GLT1D1: variants seen among roughly 807,000 people sequenced by gnomAD.
GLT1D1 encodes glycosyltransferase 1 domain containing 1.
Under a neutral mutation model 28.7 loss-of-function variants are expected in GLT1D1, and 21 were observed. That is an observed-to-expected ratio of 0.73 (90% CI 0.52 to 1.05). The LOEUF is 1.05. Among genes scored for constraint, GLT1D1 ranks in the 50% least tolerant of loss-of-function variants. GLT1D1 has a pLI of 0.00. For synonymous variants in GLT1D1, 147 were observed against 124.8 expected (o/e 1.18, Z -1.19); for missense variants, 343 against 330.6 (o/e 1.04, Z -0.29).
chr12:128,910,738 T>G (rs1367417018), intron 4 of GLT1D1, among the ~76,000 whole-genome samples: 1 of 151,940 alleles, frequency 6.6e-6, no homozygotes, highest in Non-Finnish European at 1.5e-5. Context: ...AGAAGAGGTC[T>G]TTGAAACTCT....
At chr12:128,962,060 G>A (rs1035461935) in intron 7 of GLT1D1, among the ~76,000 whole-genome samples, 2 of 135,984 alleles carry the variant, frequency 1.5e-5, no homozygotes, top group Admixed American at 7.9e-5. Flanking sequence ...TCCTATGGCG[G>A]CCCCATGTCT....
chr12:128,872,404 G>A (rs1344358353), intron 1 of GLT1D1, among the ~76,000 whole-genome samples: 2 of 152,174 alleles, frequency 1.3e-5, no homozygotes, highest in Non-Finnish European at 1.5e-5. Flanking sequence ...AGAGACTGTG[G>A]TGTGTAGGAA....
intron 4 of GLT1D1, among the ~76,000 whole-genome samples, chr12:128,934,273 G>A (rs970443022): frequency 4.1e-4 from 59 of 144,440 alleles, no homozygotes; most frequent in East Asian, 8.4e-4. Flanking sequence ...GCACGATCTC[G>A]GCTCACTGCA....
At chr12:128,969,996 T>C (rs1878878709) in intron 7 of GLT1D1, among the ~76,000 whole-genome samples, 1 of 152,156 alleles carries the variant, frequency 6.6e-6, no homozygotes, top group Non-Finnish European at 1.5e-5. Context: ...CCTGGAGGCC[T>C]CCTGGTGATC....
chr12:128,980,991 C>T (rs1014110752), intron 7 of GLT1D1, among the ~76,000 whole-genome samples: 1 of 152,198 alleles, frequency 6.6e-6, no homozygotes, highest in Non-Finnish European at 1.5e-5. Context: ...TCTACAGGCG[C>T]GTGTCCAGCA....
chr12:128,960,763 T>TAAA (rs113496068), intron 7 of GLT1D1, among the ~76,000 whole-genome samples: 2 of 147,122 alleles, frequency 1.4e-5, no homozygotes, highest in African/African-American at 2.5e-5. Flanking sequence ...GCTGGGTATC[T>TAAA]AAAAAAAAAA....
At chr12:128,911,819 C>T (rs1415558730) in intron 4 of GLT1D1, among the ~76,000 whole-genome samples, 4 of 152,080 alleles carry the variant, frequency 2.6e-5, no homozygotes, top group Non-Finnish European at 5.9e-5. Context: ...CCATATCCGT[C>T]ATGCAAGGGC....
chr12:128,869,314 C>T (rs534136248), intron 1 of GLT1D1, among the ~76,000 whole-genome samples: 6 of 152,174 alleles, frequency 3.9e-5, no homozygotes, highest in Non-Finnish European at 5.9e-5. Flanking sequence ...CTACTACAGG[C>T]GTGAACCACC....
chr12:128,914,393 G>A (rs557270970), intron 4 of GLT1D1, among the ~76,000 whole-genome samples: 1 of 152,158 alleles, frequency 6.6e-6, no homozygotes, highest in Admixed American at 6.5e-5. Context: ...GGCTGAAAGG[G>A]GTGCGTCTTT....
chr12:128,982,237 C>T (rs1880385365), intron 7 of GLT1D1, among the ~76,000 whole-genome samples: 2 of 152,100 alleles, frequency 1.3e-5, no homozygotes, highest in African/African-American at 4.8e-5. Context: ...GCCCCTGGGA[C>T]TTGGGGTAGG....
At chr12:128,879,606 A>C (rs1006016933) in intron 2 of GLT1D1, among the ~76,000 whole-genome samples, 3 of 151,738 alleles carry the variant, frequency 2.0e-5, no homozygotes, top group African/African-American at 7.3e-5. Flanking sequence ...ACAGGTGTGC[A>C]CCACCATGCC....
chr12:128,858,068 T>G (rs1444843685), intron 1 of GLT1D1, among the ~76,000 whole-genome samples: 1 of 152,198 alleles, frequency 6.6e-6, no homozygotes, highest in Non-Finnish European at 1.5e-5. Context: ...TGAATGGAAT[T>G]AAAAGAGTTA....
chr12:128,927,492 C>G (rs1460960048), intron 4 of GLT1D1, among the ~76,000 whole-genome samples: 1 of 151,868 alleles, frequency 6.6e-6, no homozygotes, highest in African/African-American at 2.4e-5. Flanking sequence ...CACGCCTCGG[C>G]CTCCCAAAGT....
chr12:128,874,769 C>T (rs769535198), intron 1 of GLT1D1, among the ~76,000 whole-genome samples: 2 of 152,196 alleles, frequency 1.3e-5, no homozygotes, highest in Non-Finnish European at 2.9e-5. Flanking sequence ...CAGGCGTGAG[C>T]CACCTCACCC....
intron 1 of GLT1D1, among the ~76,000 whole-genome samples, chr12:128,865,515 A>AT (rs1956490919): frequency 6.6e-6 from 1 of 152,136 alleles, no homozygotes; most frequent in African/African-American, 2.4e-5. Flanking sequence ...AATGTTAAAA[A>AT]ATATATAGAA....
At position 128,911,589 on chromosome 12, in the gene GLT1D1, G is replaced by A. The variant is rs144662032; in HGVS notation, c.375+12302G>A. ...TTTTGGACTCTTTCACCAAAATGAC[G>A]GCCTGTTTTGATCACTTGAGAGAAA... On this transcript the variant is annotated intron_variant, in intron 4 of 7. Coordinates refer to ENST00000281703, the MANE Select transcript of GLT1D1 (RefSeq NM_144669.3). Among the ~76,000 whole-genome samples, 1,246 of 152,214 alleles carry A rather than the reference G, an allele frequency of 8.2e-3. 11 individuals carry two copies. Among genetic ancestry groups the A allele is most frequent in the South Asian group, 0.027 (131 of 4,812 alleles).
At chr12:128,891,802 CA>C (rs1240134828) in intron 3 of GLT1D1, among the ~76,000 whole-genome samples, 3 of 152,036 alleles carry the variant, frequency 2.0e-5, no homozygotes, top group Non-Finnish European at 4.4e-5. Context: ...AATGTGGACC[CA>C]AAAAACCTGA....
chr12:128,904,766 TG>T (rs1870672303), intron 4 of GLT1D1, among the ~76,000 whole-genome samples: 1 of 151,336 alleles, frequency 6.6e-6, no homozygotes, highest in African/African-American at 2.5e-5. Context: ...CCCAAGTAGC[TG>T]GGATTACAGA....
At chr12:128,947,482 A>C in intron 6 of GLT1D1, 24 bp downstream of exon 10, 1 of 1,613,642 alleles carries the variant, frequency 6.2e-7, no homozygotes, top group South Asian at 1.1e-5. Flanking sequence ...TCGAGTACTG[A>C]AAGTGGGAGT....
Sources: allele counts gnomAD v4.1 joint callset (sites outside exome capture counted in the v4.1 genomes callset), GRCh38; gene constraint gnomAD v4.1.1; transcripts MANE v1.5; gene names NCBI Gene and HGNC (gene_info 2026-07-23, HGNC 2026-07-21).